PCNX3: variants seen among roughly 807,000 people sequenced by gnomAD.
PCNX3 encodes pecanex 3.
PCNX3 carries 58 observed loss-of-function variants against 207.2 expected under a neutral mutation model. The ratio of observed to expected loss-of-function variants is 0.28; its 90% CI spans 0.23 to 0.35. PCNX3 has a LOEUF of 0.35. PCNX3 is among the 10% of genes least tolerant of loss of function. PCNX3 has a pLI of 1.00. For synonymous variants in PCNX3, 1,337 were observed against 1,183.5 expected (o/e 1.13, Z -2.66); for missense variants, 2,410 against 2,774.4 (o/e 0.87, Z 2.95).
chr11:65,634,026 C>T (rs1404393285), intron 27 of PCNX3, 100 bp from the exon 28 acceptor site: 1 of 1,136,350 alleles, frequency 8.8e-7, no homozygotes, highest in Non-Finnish European at 1.2e-6. Context: ...AGAAAGCGGA[C>T]TTCAGCTCAG....
Position 65,619,085 on chromosome 11 carries a change from AG to A in PCNX3, c.1705+20del. ...GGGGGGAGGTGAGTGCTTGCTCTAG[AG>A]GCAGGGGCTGGGGGACGTGAGCTAC... is the stretch of plus-strand genomic sequence containing the variant. On this transcript the variant is annotated intron_variant, in intron 6 of 34. Transcript: ENST00000355703. 1 of 1,564,236 alleles carries A rather than the reference AG, an allele frequency of 6.4e-7. No individual in the cohort carries two copies. The highest frequency in any genetic ancestry group is 8.6e-7 in the Non-Finnish European group (1 of 1,157,014).
rs1182582460 is a variant in PCNX3 at position 65,635,770 on chromosome 11, C to A, written c.5426C>A (p.Ala1809Asp). 6.2e-7 allele frequency: 1 copy of A among 1,603,310 alleles called. No homozygotes were observed. The highest frequency in any genetic ancestry group is 2.3e-5 in the East Asian group (1 of 44,440). ...ALWGGPISLG[A>D]IAHWLLRTWE... ...TGGGGTGGCCCCATCAGCCTGGGTGCCATTGCCCACTGGCTCCTGCGCACC... is the reference window on the plus strand; with the variant it reads ...TGGGGTGGCCCCATCAGCCTGGGTGACATTGCCCACTGGCTCCTGCGCACC... The change falls in exon 32 of 35, where the codon GCC (alanine) becomes GAC (aspartate). Residue 1809 changes from alanine to aspartate, a missense_variant. Coordinates refer to ENST00000355703, the MANE Select transcript of PCNX3 (RefSeq NM_032223.4). This position sits in a 1 kb window ranked among gnomAD's most constrained non-coding sequence, Gnocchi z 9.9.
At chr11:65,628,389 G>A (rs55971008) in intron 22 of PCNX3, among the ~76,000 whole-genome samples, 9,829 of 152,238 alleles carry the variant, frequency 0.065, 441 homozygotes, top group South Asian at 0.25. Context: ...AATGGCCACC[G>A]CCCCCTTTGA....
In PCNX3 at chr11:65,620,426, C is replaced by G; in HGVS notation, c.2096C>G (p.Ala699Gly). The G allele has an allele frequency of 6.2e-7, 1 of 1,612,568 alleles. No homozygotes were observed. The highest frequency in any genetic ancestry group is 1.1e-5 in the South Asian group (1 of 91,004). Residue 699 changes from alanine (A) to glycine (G), a missense_variant, in exon 9 of 35, where the codon GCC (alanine) becomes GGC (glycine). Coordinates refer to ENST00000355703, the MANE Select transcript of PCNX3 (RefSeq NM_032223.4). ...CAAGGGGAGCAGACAGCTAATGGAG[C>G]CTGGTGAGTTCCCAAGCCTGGCCTC... is the stretch of plus-strand genomic sequence containing the variant. Reference protein sequence around the residue: ...GQQGEQTANGAWDRHSHSSSF... With the variant: ...GQQGEQTANGGWDRHSHSSSF...
At position 65,619,677 on chromosome 11, in the gene PCNX3, C is replaced by A; in HGVS notation, c.1829+17C>A. 1.3e-6 allele frequency: 2 copies of A among 1,588,676 alleles called. No homozygotes were observed. The highest frequency in any genetic ancestry group is 1.7e-6 in the Non-Finnish European group (2 of 1,174,078). ...GCCGCCCAGGTGAGCACCTTGCCAG[C>A]TGTGCCGAGGGGCACCGGGGGCCGG... On this transcript the variant is annotated intron_variant, in intron 7 of 34. Coordinates refer to ENST00000355703, the MANE Select transcript of PCNX3 (RefSeq NM_032223.4).
At position 65,635,363 on chromosome 11, in the gene PCNX3, C is replaced by T. The variant is rs1228844195; in HGVS notation, c.5099C>T (p.Ala1700Val). The T allele has an allele frequency of 3.7e-6, 6 of 1,611,572 alleles. No homozygotes were observed. The highest frequency in any genetic ancestry group is 2.2e-5 in the East Asian group (1 of 44,786). ...CTCAGCAACACGCCCTCCCTGCTGG[C>T]GCTGCGCCATGTCCTGGATGATGCC... Reference protein sequence around the residue: ...AILSNTPSLLALRHVLDDASD... With the variant: ...AILSNTPSLLVLRHVLDDASD... Residue 1700 changes from alanine (A) to valine (V), a missense_variant, in exon 31 of 35, where the codon GCG (alanine) becomes GTG (valine). By Grantham distance (64) the Ala-to-Val change is moderately conservative (BLOSUM62 0). Transcript: ENST00000355703. This position sits in a 1 kb window ranked among gnomAD's most constrained non-coding sequence, Gnocchi z 9.9.
intron 9 of PCNX3, 56 bp from the exon 10 acceptor site, chr11:65,620,775 C>T: frequency 6.4e-7 from 1 of 1,567,148 alleles, no homozygotes; most frequent in Admixed American, 1.8e-5. Context: ...GGCCTCGACC[C>T]CACCCAGCCC....
Position 65,618,105 on chromosome 11 carries a change from A to T in PCNX3, c.743A>T (p.Glu248Val). ...SPLLKGSLSQ[E>V]LSKSFLTLTQ... ...CTGCTGAAGGGGAGCCTCAGCCAGG[A>T]GCTGAGCAAGAGCTTCCTGACCCTG... Residue 248 changes from glutamate (E) to valine (V), a missense_variant, in exon 6 of 35, where the codon GAG (glutamate) becomes GTG (valine). Physicochemically the swap from Glu to Val is moderately radical, Grantham distance 121 (BLOSUM62 -2). This residue lies in a region of PCNX3 where 1,104 missense variants were observed against 970.3 expected (regional missense o/e 1.14). Transcript: ENST00000355703. 6.2e-7 allele frequency: 1 copy of T among 1,610,828 alleles called. No homozygotes were observed. Among genetic ancestry groups the T allele is most frequent in the South Asian group, 1.1e-5 (1 of 90,826 alleles).
At chr11:65,626,346 C>T (rs749600360) in intron 20 of PCNX3, 3 of 601,238 alleles carry the variant, frequency 5.0e-6, no homozygotes, top group Admixed American at 2.1e-5. Context: ...CTGAAGGGAT[C>T]TCTTGTCCAG....
At position 65,625,273 on chromosome 11, in the gene PCNX3, G is replaced by A. The variant is rs758852036; in HGVS notation, c.3022G>A (p.Val1008Met). 82 of 1,606,928 alleles carry A rather than the reference G, an allele frequency of 5.1e-5. No homozygotes were observed. The Middle Eastern group carries it at 8.2e-4, about 16-fold the overall frequency. Residue 1008 changes from valine to methionine, a missense_variant, in exon 17 of 35, where the codon GTG (valine) becomes ATG (methionine). This residue lies in a region of PCNX3 where 333 missense variants were observed against 386.8 expected (regional missense o/e 0.86). Coordinates refer to ENST00000355703, the MANE Select transcript of PCNX3 (RefSeq NM_032223.4). This position sits in a 1 kb window ranked among gnomAD's most constrained non-coding sequence, Gnocchi z 5.6. ...GAGCCGGCAGAGCAGCGACCCCACC[G>A]TGCTCTGGTGGGTGTGCTCCGGGTC... ...HLSRQSSDPT[V>M]LWSLIRSKLF...
At chr11:65,617,168 A>C (rs1273206214) in intron 2 of PCNX3, 82 bp from the exon 3 acceptor site, 1 of 1,441,266 alleles carries the variant, frequency 6.9e-7, no homozygotes, top group Admixed American at 2.0e-5. Flanking sequence ...ACTTCTGAAA[A>C]AGAAGCAGTG....
At chr11:65,632,078 G>A (rs1459341520) in intron 27 of PCNX3, among the ~76,000 whole-genome samples, 1 of 152,082 alleles carries the variant, frequency 6.6e-6, no homozygotes, top group East Asian at 1.9e-4. Flanking sequence ...TGAGAGAGGT[G>A]CCCTTGCCCA....
chr11:65,626,626 C>T (rs937131286), intron 20 of PCNX3: 4 of 504,906 alleles, frequency 7.9e-6, no homozygotes, highest in African/African-American at 7.7e-5. Context: ...CCTAGCCAGC[C>T]TGCTGTACGT....
chr11:65,634,514 G>A (rs923121545), intron 28 of PCNX3, 24 bp from the exon 29 acceptor site: 3 of 1,566,812 alleles, frequency 1.9e-6, no homozygotes, highest in South Asian at 2.3e-5. Context: ...GCTGGGCTCT[G>A]GGATGGGGGT....
At position 65,616,014 on chromosome 11, in the gene PCNX3, C is replaced by T. The variant is rs971376638; in HGVS notation, c.-298C>T. The T allele has an allele frequency of 6.1e-5, 14 of 229,834 alleles. No individual in the cohort carries two copies. The highest frequency in any genetic ancestry group is 3.0e-4 in the African/African-American group (13 of 43,826). The allele number at this position is 229,834 out of a possible 1,614,324, so 14.2% of individuals were successfully genotyped here. On this transcript the variant is annotated 5_prime_UTR_variant, in exon 1 of 35. Coordinates refer to ENST00000355703, the MANE Select transcript of PCNX3 (RefSeq NM_032223.4). Reference sequence around the variant, plus strand: ...CGCCGACGGGTACCCGGCCCGTGCCCCGCGCCTGCCTGCCGGCTCGGCCCC... The same window carrying T: ...CGCCGACGGGTACCCGGCCCGTGCCTCGCGCCTGCCTGCCGGCTCGGCCCC...
chr11:65,616,431 C>G lies in PCNX3; in HGVS notation c.120C>G (p.Ile40Met). 2 of 1,609,736 alleles carry G rather than the reference C, an allele frequency of 1.2e-6. No individual in the cohort carries two copies. Among genetic ancestry groups the G allele is most frequent in the Non-Finnish European group, 1.7e-6 (2 of 1,179,468 alleles). Residue 40 changes from isoleucine to methionine, a missense_variant, in exon 1 of 35, where the codon ATC becomes ATG. By Grantham distance (10) the Ile-to-Met change is conservative. This residue lies in a region of PCNX3 where 1,104 missense variants were observed against 970.3 expected (regional missense o/e 1.14). Transcript: ENST00000355703. Reference sequence around the variant, plus strand: ...ACTGCTTCCACCTCTATGTCTGGATCTTCCTGCTCATCTTTCCCTTCTTAC... The same window carrying G: ...ACTGCTTCCACCTCTATGTCTGGATGTTCCTGCTCATCTTTCCCTTCTTAC... ...FSNCFHLYVWIFLLIFPFLLY... is the reference protein window; with the variant it reads ...FSNCFHLYVWMFLLIFPFLLY...
intron 8 of PCNX3, 36 bp from the exon 9 acceptor site, chr11:65,620,303 C>G (rs1353282422): frequency 6.3e-7 from 1 of 1,587,594 alleles, no homozygotes; most frequent in South Asian, 1.1e-5. Context: ...GCTTCTGTCT[C>G]TGCCACGCTG....
In PCNX3 at chr11:65,635,716, C is replaced by T. The variant is rs1855802963; in HGVS notation, c.5372C>T (p.Ala1791Val). The T allele has an allele frequency of 6.2e-7, 1 of 1,608,544 alleles. No individual in the cohort carries two copies. The highest frequency in any genetic ancestry group is 1.7e-5 in the Admixed American group (1 of 59,332). Residue 1791 changes from alanine to valine, a missense_variant, in exon 32 of 35, where the codon GCT (alanine) becomes GTT (valine). Transcript: ENST00000355703. The surrounding 1 kb of genome is among the most constrained non-coding windows in gnomAD (Gnocchi z 9.9). ...IYVSPLTTSLAGSHPQLRALW... is the reference protein window; with the variant it reads ...IYVSPLTTSLVGSHPQLRALW... ...GTGTCGCCTCTCACCACCTCGCTGG[C>T]TGGCAGCCACCCCCAGCTACGGGCA...
chr11:65,633,239 T>C (rs566571511), intron 27 of PCNX3, among the ~76,000 whole-genome samples: 1 of 152,342 alleles, frequency 6.6e-6, no homozygotes, highest in Admixed American at 6.5e-5. Flanking sequence ...CGCCCGTGCA[T>C]CCTGGCCATG....
Sources: gnomAD v4.1 joint callset for allele counts (sites outside exome capture counted in the v4.1 genomes callset) on GRCh38, gnomAD v4.1.1 for gene constraint, gnomAD v4.1.1 regional missense constraint, Gnocchi (gnomAD v3.1) non-coding constraint, MANE v1.5 for transcripts, NCBI Gene and HGNC (gene_info 2026-07-23, HGNC 2026-07-21) for gene names.